PATJ: variants seen among roughly 807,000 people sequenced by gnomAD.
PATJ encodes the protein PATJ crumbs cell polarity complex component, also known as inaD-like protein.
A neutral mutation model predicts 224.9 loss-of-function variants in PATJ; 190 were observed. The ratio of observed to expected loss-of-function variants is 0.84; its 90% CI spans 0.75 to 0.95. The LOEUF (loss-of-function observed/expected upper bound fraction) is 0.95. Among genes scored for constraint, PATJ ranks in the 40% least tolerant of loss-of-function variants. PATJ has a pLI of 0.00. For synonymous variants in PATJ, 769 were observed against 820.3 expected (o/e 0.94, Z 1.07); for missense variants, 2,121 against 2,270.3 (o/e 0.93, Z 1.34).
intron 41 of PATJ, among the ~76,000 whole-genome samples, chr1:62,143,166 G>A (rs777990747): frequency 2.0e-5 from 3 of 152,054 alleles, no homozygotes; most frequent in Non-Finnish European, 4.4e-5. Context: ...TATTCAGAGA[G>A]CGATCAGCTA....
At chr1:62,153,270 G>C in intron 42 of PATJ, 88 bp from the exon 43 acceptor site, 1 of 1,019,942 alleles carries the variant, frequency 9.8e-7, no homozygotes, top group Non-Finnish European at 1.3e-6. Flanking sequence ...CAGTATGAAA[G>C]TCTCTCTCAA....
intron 14 of PATJ, among the ~76,000 whole-genome samples, chr1:61,812,431 A>AGTGTGTGTGT (rs1315887673): frequency 2.4e-4 from 26 of 109,108 alleles, no homozygotes; most frequent in African/African-American, 7.4e-4. Flanking sequence ...AGAGAGAGAG[A>AGTGTGTGTGT]GAGTGTGTGT....
intron 1 of PATJ, among the ~76,000 whole-genome samples, chr1:61,760,444 A>C (rs1396235997): frequency 6.6e-6 from 1 of 152,208 alleles, no homozygotes; most frequent in Non-Finnish European, 1.5e-5. Flanking sequence ...ATCACTAGTA[A>C]AAATGATCAC....
intron 28 of PATJ, among the ~76,000 whole-genome samples, chr1:61,999,155 T>G (rs756319023): frequency 6.6e-6 from 1 of 152,138 alleles, no homozygotes; most frequent in Non-Finnish European, 1.5e-5. Context: ...GGAGTAATTT[T>G]CAGCAGTGCC....
intron 28 of PATJ, among the ~76,000 whole-genome samples, chr1:62,016,381 G>A (rs1646770443): frequency 6.6e-6 from 1 of 150,690 alleles, no homozygotes; most frequent in Admixed American, 6.6e-5. Context: ...AAATTCCAGA[G>A]ACAGAACAAA....
At chr1:61,838,819 C>T (rs1391801786) in intron 17 of PATJ, among the ~76,000 whole-genome samples, 1 of 151,996 alleles carries the variant, frequency 6.6e-6, no homozygotes, top group Non-Finnish European at 1.5e-5. Flanking sequence ...TGTGTAATGT[C>T]TTTATTCCTT....
intron 41 of PATJ, among the ~76,000 whole-genome samples, chr1:62,144,908 G>A (rs539196830): frequency 2.6e-5 from 4 of 151,296 alleles, no homozygotes; most frequent in South Asian, 2.1e-4. Context: ...GCAGTGATAC[G>A]ATCTCTGCTT....
intron 41 of PATJ, among the ~76,000 whole-genome samples, chr1:62,147,001 C>T (rs1162158798): frequency 6.6e-6 from 1 of 152,082 alleles, no homozygotes; most frequent in Non-Finnish European, 1.5e-5. Context: ...TTCCTGGAGA[C>T]GTCCCATAGA....
chr1:62,143,432 C>A lies in PATJ; in HGVS notation c.5272-4852C>A, dbSNP rs1017013486. On this transcript the variant is annotated intron_variant, in intron 41 of 43. Transcript: ENST00000642238. ...TGGCAATTGGATATCACAGACTAAG[C>A]TGGGAATTTTTTTTTTTTTTTTTTT... 2.1e-5 allele frequency among the ~76,000 whole-genome samples: 3 copies of A among 142,178 alleles called. No homozygotes were observed. The Admixed American group carries it at 2.2e-4, about 11-fold the overall frequency. 93.3% of individuals were successfully genotyped at this position (142,178 alleles called of 152,430 possible). A position where few individuals can be genotyped will look rare whatever the true frequency, so the allele number is the denominator to read the frequency against.
At chr1:61,860,905 A>G (rs1217626711) in intron 18 of PATJ, among the ~76,000 whole-genome samples, 1 of 151,896 alleles carries the variant, frequency 6.6e-6, no homozygotes, top group African/African-American at 2.4e-5. Context: ...CCAGACAGCC[A>G]GGGTCGAAAT....
At chr1:62,074,439 A>AT (rs370792838) in intron 31 of PATJ, among the ~76,000 whole-genome samples, 5,050 of 149,734 alleles carry the variant, frequency 0.034, 222 homozygotes, top group African/African-American at 0.095. Context: ...CCTTTAAGCA[A>AT]TTTTTTTTTT....
At chr1:61,802,134 C>A (rs1263832575) in intron 12 of PATJ, among the ~76,000 whole-genome samples, 1 of 152,122 alleles carries the variant, frequency 6.6e-6, no homozygotes. Flanking sequence ...ATTCTTGATG[C>A]CCAGGCTGGA....
At chr1:61,946,835 C>T (rs917121703) in intron 27 of PATJ, among the ~76,000 whole-genome samples, 2 of 152,122 alleles carry the variant, frequency 1.3e-5, no homozygotes, top group African/African-American at 2.4e-5. Context: ...ACCAGCAAAC[C>T]GAATCCAGCA....
intron 29 of PATJ, among the ~76,000 whole-genome samples, chr1:62,030,658 T>C (rs1372185153): frequency 4.6e-5 from 7 of 152,212 alleles, no homozygotes; most frequent in African/African-American, 1.7e-4. Context: ...AAAAGATTGC[T>C]GGTGTCCCTT....
At chr1:61,822,328 A>G (rs1014989121) in intron 14 of PATJ, among the ~76,000 whole-genome samples, 2 of 151,216 alleles carry the variant, frequency 1.3e-5, no homozygotes, top group Non-Finnish European at 2.9e-5. Flanking sequence ...AACCTGAGGC[A>G]TGAGAATTGC....
intron 8 of PATJ, 101 bp from the exon 9 acceptor site, chr1:61,791,247 A>G (rs987981869): frequency 4.7e-6 from 3 of 632,532 alleles, no homozygotes; most frequent in African/African-American, 3.7e-5. Context: ...TCTGCCTGCC[A>G]TAGATGCTAA....
At chr1:62,106,158 G>GTGTGTGTGTATATA (rs1356937495) in intron 33 of PATJ, among the ~76,000 whole-genome samples, 1 of 48,064 alleles carries the variant, frequency 2.1e-5, no homozygotes, top group Non-Finnish European at 4.4e-5. Flanking sequence ...GTGTGTGTGT[G>GTGTGTGTGTATATA]TATATATATA....
At chr1:61,803,290 A>T (rs1358577759) in intron 12 of PATJ, among the ~76,000 whole-genome samples, 3 of 152,220 alleles carry the variant, frequency 2.0e-5, no homozygotes, top group Non-Finnish European at 4.4e-5. Flanking sequence ...AATAAAATAA[A>T]TAAAAGATAA....
chr1:61,952,079 A>G (rs560921083), intron 27 of PATJ: 94 of 360,484 alleles, frequency 2.6e-4, no homozygotes, highest in African/African-American at 1.7e-3. Context: ...TGAAGCATCC[A>G]AGGGTCTGAT....
Sources: gnomAD v4.1 joint callset for allele counts (sites outside exome capture counted in the v4.1 genomes callset) on GRCh38, gnomAD v4.1.1 for gene constraint, MANE v1.5 for transcripts, NCBI Gene and HGNC (gene_info 2026-07-23, HGNC 2026-07-21) for gene names.